The following LMF1 variants were observed in gnomAD, a reference collection of about 807,000 sequenced individuals.
The protein encoded by LMF1 is lipase maturation factor 1.
In LMF1, 68 loss-of-function variants were observed where a neutral mutation model predicts 60.6. The observed-to-expected ratio is 1.12, with a 90% CI of 0.92 to 1.37. LMF1 has a LOEUF of 1.37. LMF1 is among the 40% of genes most tolerant of loss of function. LMF1 has a pLI of 0.00. For synonymous variants in LMF1, 418 were observed against 324.7 expected (o/e 1.29, Z -3.09); for missense variants, 948 against 767.2 (o/e 1.24, Z -2.78).
intron 3 of LMF1, among the ~76,000 whole-genome samples, chr16:925,336 A>C (rs1270328585): frequency 6.6e-6 from 1 of 152,260 alleles, no homozygotes; most frequent in Non-Finnish European, 1.5e-5. Context: ...TAGTAAAGAG[A>C]ATTTTTTAAA....
In LMF1 at chr16:959,181, G is replaced by T. The variant is rs143653249; in HGVS notation, c.194-4515C>A. On this transcript the variant is annotated intron_variant, in intron 1 of 10. Coordinates refer to ENST00000262301, the MANE Select transcript of LMF1 (RefSeq NM_022773.4). ...TAGAAACAAGGAAGACATCCTTCAC[G>T]GTGGAAGTGGATAAATAACCGGAGG... Among the ~76,000 whole-genome samples, 933 of 152,322 alleles carry T rather than the reference G, an allele frequency of 6.1e-3. 14 individuals are homozygous for T. The highest frequency in any genetic ancestry group is 5.6e-3 in the Non-Finnish European group (380 of 68,036).
chr16:950,536 C>G (rs1405661502), intron 2 of LMF1, among the ~76,000 whole-genome samples: 3 of 108,088 alleles, frequency 2.8e-5, no homozygotes, highest in Non-Finnish European at 5.2e-5. Context: ...GAGTCAGAGC[C>G]AATGACAGAG....
intron 4 of LMF1, 63 bp downstream of exon 4, chr16:910,868 A>C: frequency 6.3e-7 from 1 of 1,595,506 alleles, no homozygotes; most frequent in South Asian, 1.1e-5. Context: ...CTCTCCTAGA[A>C]GCCTCACAGG....
chr16:856,330 C>T (rs1033589632), intron 10 of LMF1, among the ~76,000 whole-genome samples: 1 of 152,150 alleles, frequency 6.6e-6, no homozygotes, highest in Non-Finnish European at 1.5e-5. Flanking sequence ...ACCCCGAGGT[C>T]GACCTCTGAG....
intron 1 of LMF1, among the ~76,000 whole-genome samples, chr16:970,110 C>T (rs2073009749): frequency 6.6e-6 from 1 of 152,246 alleles, no homozygotes; most frequent in South Asian, 2.1e-4. Flanking sequence ...GAGCTGCCCC[C>T]AGACCTCCGC....
intron 2 of LMF1, among the ~76,000 whole-genome samples, chr16:940,803 T>C (rs1267144391): frequency 6.6e-6 from 1 of 152,218 alleles, no homozygotes; most frequent in Non-Finnish European, 1.5e-5. Context: ...TCATCAATTA[T>C]GTCAAAGTGG....
At chr16:865,533 G>C (rs1246849885) in intron 10 of LMF1, among the ~76,000 whole-genome samples, 1 of 152,074 alleles carries the variant, frequency 6.6e-6, no homozygotes, top group African/African-American at 2.4e-5. Context: ...TTTTTGTAGA[G>C]ACGAGACTTC....
chr16:962,319 C>G lies in LMF1; in HGVS notation c.194-7653G>C, dbSNP rs1420925106. 3.9e-5 allele frequency among the ~76,000 whole-genome samples: 6 copies of G among 152,250 alleles called. No homozygotes were observed. The highest frequency in any genetic ancestry group is 2.6e-4 in the Admixed American group (4 of 15,290). On this transcript the variant is annotated intron_variant, in intron 1 of 10. Transcript: ENST00000262301. This position sits in a 1 kb window ranked among gnomAD's most constrained non-coding sequence, Gnocchi z 4.5. ...GGGCGTGGGTCCATAGTGACAAAAT[C>G]AGTGACCACAAACAAGTAAGTAACA... is the stretch of plus-strand genomic sequence containing the variant.
intron 4 of LMF1, chr16:904,094 G>C (rs2070902752): frequency 6.3e-6 from 1 of 158,152 alleles, no homozygotes; most frequent in Non-Finnish European, 1.1e-5. Flanking sequence ...GCCTGTCTCT[G>C]CTGTGTGGTG....
chr16:892,419 GC>G (rs1596924192), intron 5 of LMF1, among the ~76,000 whole-genome samples: 2 of 152,154 alleles, frequency 1.3e-5, no homozygotes, highest in African/African-American at 4.8e-5. Flanking sequence ...ACCACCCCCA[GC>G]CCCCACGTGA....
chr16:958,683 T>C (rs2072757885), intron 1 of LMF1, among the ~76,000 whole-genome samples: 1 of 152,022 alleles, frequency 6.6e-6, no homozygotes, highest in Admixed American at 6.6e-5. Context: ...GGTCAGGAGT[T>C]CAAGACCAGC....
chr16:976,924 C>T (rs1447373713), intron 1 of LMF1: 1 of 454,132 alleles, frequency 2.2e-6, no homozygotes, highest in African/African-American at 2.0e-5. Flanking sequence ...TCAGGAGGCT[C>T]CCAGTGTGTC....
chr16:977,687 G>A (rs1246266139), intron 1 of LMF1, among the ~76,000 whole-genome samples: 2 of 112,358 alleles, frequency 1.8e-5, no homozygotes. Flanking sequence ...GGTGGATGGA[G>A]GGGGACGGGG....
chr16:856,369 C>G (rs1159428547), intron 10 of LMF1, among the ~76,000 whole-genome samples: 1 of 152,180 alleles, frequency 6.6e-6, no homozygotes, highest in Non-Finnish European at 1.5e-5. Context: ...AAGGGACGGG[C>G]TGGAATGCGG....
chr16:958,795 G>A (rs2072760621), intron 1 of LMF1, among the ~76,000 whole-genome samples: 1 of 152,148 alleles, frequency 6.6e-6, no homozygotes, highest in Non-Finnish European at 1.5e-5. Context: ...GCTGAGGCAG[G>A]AGAATTGCTT....
intron 1 of LMF1, among the ~76,000 whole-genome samples, chr16:977,989 C>CAT (rs757488789): frequency 0.47 from 63,979 of 136,032 alleles, 17,246 homozygotes; most frequent in African/African-American, 0.68. Flanking sequence ...CACACACATA[C>CAT]ACGCACACAC....
intron 1 of LMF1, among the ~76,000 whole-genome samples, chr16:967,309 A>G (rs1231407383): frequency 6.6e-6 from 1 of 152,240 alleles, no homozygotes; most frequent in Non-Finnish European, 1.5e-5. Flanking sequence ...AATCTTCCGC[A>G]GGGAACGCCG....
intron 1 of LMF1, chr16:976,773 T>C: frequency 4.4e-6 from 2 of 454,134 alleles, no homozygotes; most frequent in South Asian, 1.6e-5. Flanking sequence ...GATCTGGGCG[T>C]GCACCTGTCA....
At chr16:893,956 C>T (rs933433502) in intron 4 of LMF1, among the ~76,000 whole-genome samples, 6 of 152,030 alleles carry the variant, frequency 3.9e-5, no homozygotes, top group East Asian at 1.9e-4. Flanking sequence ...CACAACCACT[C>T]CCGGCCAAAT....
Sources: gnomAD v4.1 joint callset for allele counts (sites outside exome capture counted in the v4.1 genomes callset) on GRCh38, gnomAD v4.1.1 for gene constraint, Gnocchi (gnomAD v3.1) non-coding constraint, MANE v1.5 for transcripts, NCBI Gene and HGNC (gene_info 2026-07-23, HGNC 2026-07-21) for gene names.